NCKAP1: variants seen among roughly 807,000 people sequenced by gnomAD.
NCKAP1 encodes the protein NCK associated protein 1, also known as nck-associated protein 1.
Under a neutral mutation model 151.2 loss-of-function variants are expected in NCKAP1, and 21 were observed. That is an observed-to-expected ratio of 0.14 (90% confidence interval 0.10 to 0.20). The LOEUF (loss-of-function observed/expected upper bound fraction) is 0.20, where lower values mean the gene tolerates loss of function less well. Among genes scored for constraint, NCKAP1 ranks in the 10% least tolerant of loss-of-function variants. NCKAP1 has a pLI of 1.00. For missense variants in NCKAP1, 933 were observed against 1,352.1 expected (o/e 0.69, Z 4.86); for synonymous variants, 484 against 451.8 (o/e 1.07, Z -0.90).
At chr2:182,987,200 C>T (rs941788276) in intron 9 of NCKAP1, among the ~76,000 whole-genome samples, 2 of 152,080 alleles carry the variant, frequency 1.3e-5, no homozygotes, top group African/African-American at 4.8e-5. Flanking sequence ...TGAGATCACA[C>T]CACTGCACTT....
chr2:183,007,603 G>A (rs1698502973), intron 2 of NCKAP1, among the ~76,000 whole-genome samples: 1 of 152,088 alleles, frequency 6.6e-6, no homozygotes, highest in Non-Finnish European at 1.5e-5. Context: ...TATTGTTATT[G>A]AAACTGCTTA....
intron 8 of NCKAP1, among the ~76,000 whole-genome samples, chr2:182,993,261 T>C (rs1698202912): frequency 1.3e-5 from 2 of 152,214 alleles, no homozygotes; most frequent in South Asian, 4.1e-4. Context: ...TAATACTCAT[T>C]ATGCAGTAAG....
chr2:182,928,789 T>C lies in NCKAP1; in HGVS notation c.3064A>G (p.Ile1022Val), dbSNP rs1446424237. ...AATTTTAAACCACTATTACCTTCTA[T>C]AGCAGGGCTGTACTGAGACATCACA... ...SNVMSQYSPA[I>V]EGHCNNIHCL... is the part of the protein sequence containing the mutation. Residue 1022 changes from isoleucine (I) to valine (V), a missense_variant, in exon 28 of 31, where the codon ATA becomes GTA. Coordinates refer to ENST00000361354, the MANE Select transcript of NCKAP1 (RefSeq NM_013436.5). 4 of 1,589,242 alleles carry C rather than the reference T, an allele frequency of 2.5e-6. No homozygotes were observed. Among genetic ancestry groups the C allele is most frequent in the East Asian group, 2.3e-5 (1 of 44,350 alleles).
At chr2:182,981,929 A>C (rs1697947144) in intron 12 of NCKAP1, among the ~76,000 whole-genome samples, 2 of 150,998 alleles carry the variant, frequency 1.3e-5, no homozygotes, top group East Asian at 3.9e-4. Flanking sequence ...AAAAAAAAAA[A>C]ATTTAAATTA....
intron 23 of NCKAP1, 49 bp downstream of exon 23, chr2:182,952,356 T>G: frequency 4.9e-6 from 6 of 1,225,974 alleles, no homozygotes; most frequent in Non-Finnish European, 7.0e-6. Flanking sequence ...CCTGAAATGT[T>G]TTTCAGGAAT....
chr2:182,996,607 G>A (rs982389413), intron 6 of NCKAP1, among the ~76,000 whole-genome samples: 1 of 152,108 alleles, frequency 6.6e-6, no homozygotes, highest in African/African-American at 2.4e-5. Context: ...ACAGGCGCCC[G>A]CCACCACGCT....
chr2:182,964,602 A>G, intron 17 of NCKAP1, 74 bp downstream of exon 17: 1 of 1,285,790 alleles, frequency 7.8e-7, no homozygotes, highest in Non-Finnish European at 1.0e-6. Context: ...ATGACTGTAA[A>G]TATTTGGTTG....
intron 23 of NCKAP1, chr2:182,947,112 A>C (rs1453077041): frequency 1.3e-5 from 2 of 152,300 alleles, no homozygotes; most frequent in African/African-American, 2.4e-5. Flanking sequence ...AATCATCTGA[A>C]GCCTAGGATG....
chr2:183,027,070 A>G (rs1211013535), intron 1 of NCKAP1, among the ~76,000 whole-genome samples: 2 of 150,096 alleles, frequency 1.3e-5, no homozygotes, highest in Admixed American at 6.7e-5. Flanking sequence ...AATACAGCCT[A>G]AAGTCTACAT....
chr2:183,028,183 T>A (rs1166309059), intron 1 of NCKAP1, among the ~76,000 whole-genome samples: 3 of 151,120 alleles, frequency 2.0e-5, no homozygotes, highest in Non-Finnish European at 4.4e-5. Context: ...TTTATAGCCC[T>A]ACCAAAAAAA....
At chr2:182,961,068 A>G (rs1697438865) in intron 18 of NCKAP1, among the ~76,000 whole-genome samples, 1 of 152,212 alleles carries the variant, frequency 6.6e-6, no homozygotes, top group Non-Finnish European at 1.5e-5. Context: ...CGATCATTAA[A>G]AAGTCAGAAA....
At chr2:182,930,540 C>T (rs1696741268) in intron 27 of NCKAP1, among the ~76,000 whole-genome samples, 155 bp downstream of exon 27, 1 of 151,978 alleles carries the variant, frequency 6.6e-6, no homozygotes, top group Admixed American at 6.6e-5. Flanking sequence ...GTGTTTTATG[C>T]ACTGATATAG....
intron 7 of NCKAP1, 27 bp from the exon 8 acceptor site, chr2:182,994,914 A>C (rs755936448): frequency 6.4e-7 from 1 of 1,558,436 alleles, no homozygotes; most frequent in African/African-American, 1.4e-5. Context: ...ATACATTTGC[A>C]GTTAAAAGAA....
intron 29 of NCKAP1, among the ~76,000 whole-genome samples, chr2:182,927,869 T>C (rs1262509931): frequency 6.6e-6 from 1 of 151,850 alleles, no homozygotes; most frequent in African/African-American, 2.4e-5. Flanking sequence ...CTAAGGGAAA[T>C]AACGGACGGC....
At position 182,976,952 on chromosome 2, in the gene NCKAP1, C is replaced by A; in HGVS notation, c.1424-1G>T. 1.3e-6 allele frequency: 2 copies of A among 1,510,070 alleles called. No individual in the cohort carries two copies. The highest frequency in any genetic ancestry group is 1.8e-6 in the Non-Finnish European group (2 of 1,119,702). 93.5% of individuals were successfully genotyped at this position (1,510,070 alleles called of 1,614,324 possible). On this transcript the variant is annotated splice_acceptor_variant, in intron 14 of 30. Transcript: ENST00000361354. LOFTEE classifies it high-confidence loss of function. ...AAATCAAATACTTCCCCATCTTCAA[C>A]TGTAGTAATAGAAAAAAAAAAAAGA...
intron 2 of NCKAP1, among the ~76,000 whole-genome samples, chr2:183,014,720 T>A (rs1698652030): frequency 6.6e-6 from 1 of 152,182 alleles, no homozygotes; most frequent in South Asian, 2.1e-4. Context: ...TAACTTTAGA[T>A]CTGACAAAAG....
At chr2:183,033,998 T>C (rs1699054334) in intron 1 of NCKAP1, among the ~76,000 whole-genome samples, 2 of 152,214 alleles carry the variant, frequency 1.3e-5, no homozygotes, top group African/African-American at 4.8e-5. Context: ...CATTGCTACT[T>C]AAAAATTAAA....
At chr2:183,032,682 G>C (rs1165667237) in intron 1 of NCKAP1, among the ~76,000 whole-genome samples, 1 of 152,160 alleles carries the variant, frequency 6.6e-6, no homozygotes, top group Non-Finnish European at 1.5e-5. Context: ...ACTGTATTTT[G>C]TTATCTTTAT....
intron 2 of NCKAP1, among the ~76,000 whole-genome samples, chr2:183,015,991 A>G (rs1050791440): frequency 2.6e-5 from 4 of 152,168 alleles, no homozygotes; most frequent in African/African-American, 9.7e-5. Context: ...AAGTAAATTG[A>G]GCAAGCTAAA....
Sources: allele counts gnomAD v4.1 joint callset (sites outside exome capture counted in the v4.1 genomes callset), GRCh38; gene constraint gnomAD v4.1.1; transcripts MANE v1.5; gene names NCBI Gene and HGNC (gene_info 2026-07-23, HGNC 2026-07-21).